Variants in UGT1A3 observed in about 807,000 individuals in gnomAD.
UGT1A3 encodes UDP glucuronosyltransferase family 1 member A3, also known as UDP-glucuronosyltransferase 1A3.
Under a neutral mutation model 41.0 loss-of-function variants are expected in UGT1A3, and 31 were observed. The ratio of observed to expected loss-of-function variants is 0.76; its 90% confidence interval spans 0.57 to 1.02. The LOEUF (loss-of-function observed/expected upper bound fraction) is 1.02. UGT1A3 is among the 50% of genes least tolerant of loss of function. The pLI, the probability that UGT1A3 is intolerant of heterozygous loss-of-function variation, is 0.00. For missense variants in UGT1A3, 737 were observed against 671.0 expected (o/e 1.10, Z -1.09); for synonymous variants, 262 against 257.6 (o/e 1.02, Z -0.17).
At chr2:233,755,374 C>G (rs1205727870) in intron 1 of UGT1A3, 3 of 355,518 alleles carry the variant, frequency 8.4e-6, no homozygotes, top group South Asian at 6.7e-5. Flanking sequence ...CCTGGAGGGC[C>G]GCCCCTTATG....
At chr2:233,761,622 G>A (rs1417511901) in intron 1 of UGT1A3, among the ~76,000 whole-genome samples, 3 of 152,238 alleles carry the variant, frequency 2.0e-5, no homozygotes, top group Non-Finnish European at 4.4e-5. Flanking sequence ...CTGATAAGAA[G>A]CTAAATCCTG....
chr2:233,730,227 G>A (rs1389808961), intron 1 of UGT1A3, among the ~76,000 whole-genome samples: 1 of 152,112 alleles, frequency 6.6e-6, no homozygotes, highest in Admixed American at 6.5e-5. Context: ...TTTGTAAAAG[G>A]ATGGACAAGG....
intron 1 of UGT1A3, among the ~76,000 whole-genome samples, chr2:233,759,591 C>A (rs984696431): frequency 4.1e-5 from 6 of 147,100 alleles, no homozygotes; most frequent in East Asian, 4.1e-4. Context: ...GCACGCCCCC[C>A]ACCCCCGACC....
chr2:233,765,894 C>T (rs527736361), intron 1 of UGT1A3, among the ~76,000 whole-genome samples: 4 of 152,178 alleles, frequency 2.6e-5, no homozygotes, highest in African/African-American at 9.6e-5. Context: ...CAGTGCGCCA[C>T]TGCTCAAACC....
chr2:233,738,287 A>T, intron 1 of UGT1A3, among the ~76,000 whole-genome samples: 1 of 152,330 alleles, frequency 6.6e-6, no homozygotes, highest in South Asian at 2.1e-4. Flanking sequence ...TAAATTACCC[A>T]GTCTTGGGTA....
chr2:233,755,009 G>C (rs1198421851), intron 1 of UGT1A3: 1 of 1,292,254 alleles, frequency 7.7e-7, no homozygotes, highest in African/African-American at 1.5e-5. Context: ...AGACCTACTC[G>C]AAGGGGTCCT....
chr2:233,743,846 C>T lies in UGT1A3; in HGVS notation c.867+13853C>T, dbSNP rs779214397. On this transcript the variant is annotated intron_variant, in intron 1 of 4. Transcript: ENST00000482026. ...GGGGTGCCACTTGAGCGCCAGCTTG[C>T]GGTACGCCTTCTTGATGGCCTCGGA... 13 of 1,367,112 alleles carry T rather than the reference C, an allele frequency of 9.5e-6. No individual in the cohort carries two copies. The Admixed American group carries it at 1.1e-4, about 12-fold the overall frequency. The allele number at this position is 1,367,112 out of a possible 1,614,324, so 84.7% of individuals were successfully genotyped here.
In UGT1A3 at chr2:233,760,224, G is replaced by C. The variant is rs873478; in HGVS notation, c.868-6810G>C. 2,101 of 1,586,308 alleles carry C rather than the reference G, an allele frequency of 1.3e-3. 36 individuals are homozygous for C. The East Asian group carries it at 0.037, about 28-fold the overall frequency. ...CAAACATTAACTTGGTGTATCGATT[G>C]GTTTTTGCCATATATATATATATAA... is the stretch of plus-strand genomic sequence containing the variant. On this transcript the variant is annotated intron_variant, in intron 1 of 4. Coordinates refer to ENST00000482026, the MANE Select transcript of UGT1A3 (RefSeq NM_019093.4).
chr2:233,732,491 G>C (rs2078277283), intron 1 of UGT1A3, among the ~76,000 whole-genome samples: 1 of 152,184 alleles, frequency 6.6e-6, no homozygotes, highest in African/African-American at 2.4e-5. Flanking sequence ...TTTGTATAAG[G>C]CGTAAGGAAG....
At chr2:233,743,706 C>G in intron 1 of UGT1A3, 1 of 1,367,368 alleles carries the variant, frequency 7.3e-7, no homozygotes, top group Non-Finnish European at 9.8e-7. Context: ...TCCGCCCCCG[C>G]CTCGCCATAG....
At chr2:233,731,616 A>C (rs1404847931) in intron 1 of UGT1A3, among the ~76,000 whole-genome samples, 2 of 152,182 alleles carry the variant, frequency 1.3e-5, no homozygotes, top group Non-Finnish European at 2.9e-5. Flanking sequence ...ACATGAACTC[A>C]TCCTTTTTTA....
chr2:233,756,397 G>GTT (rs1005447677), intron 1 of UGT1A3: 1 of 151,856 alleles, frequency 6.6e-6, no homozygotes, highest in African/African-American at 2.4e-5. Flanking sequence ...TACAGTATTG[G>GTT]TTTTTTATTT....
At chr2:233,735,180 T>C (rs1028765761) in intron 1 of UGT1A3, among the ~76,000 whole-genome samples, 1 of 148,186 alleles carries the variant, frequency 6.7e-6, no homozygotes, top group Non-Finnish European at 1.5e-5. Flanking sequence ...AGAACTTGCT[T>C]TATGAATCTA....
rs1422207500 is a variant in UGT1A3 at position 233,757,556 on chromosome 2, ATATATG to A, written c.868-9472_868-9467del. ...AAGGAATATATATATATATATATATATATATGTATATATGATATAGCTATAGTCTAA... is the reference window on the plus strand; with the variant it reads ...AAGGAATATATATATATATATATATATATATATGATATAGCTATAGTCTAA... On this transcript the variant is annotated intron_variant, in intron 1 of 4. Coordinates refer to ENST00000482026, the MANE Select transcript of UGT1A3 (RefSeq NM_019093.4). Among the ~76,000 whole-genome samples, 673 of 125,374 alleles carry A rather than the reference ATATATG, an allele frequency of 5.4e-3. 74 individuals carry two copies. The highest frequency in any genetic ancestry group is 0.02 in the African/African-American group (631 of 31,024). The allele number at this position is 125,374 out of a possible 152,430, so 82.3% of individuals were successfully genotyped here.
At position 233,729,964 on chromosome 2, in the gene UGT1A3, A is replaced by G; in HGVS notation, c.838A>G (p.Asn280Asp). The G allele has an allele frequency of 6.2e-7, 1 of 1,614,074 alleles. No homozygotes were observed. The highest frequency in any genetic ancestry group is 2.2e-5 in the East Asian group (1 of 44,892). ...CAACATGGTCTTCATTGGGGGCATC[A>G]ACTGTGCCAACAGGAAGCCACTATC... ...MPNMVFIGGI[N>D]CANRKPLSQE... The change falls in exon 1 of 5, where the codon AAC (asparagine) becomes GAC (aspartate). Residue 280 changes from asparagine (N) to aspartate (D), a missense_variant. Coordinates refer to ENST00000482026, the MANE Select transcript of UGT1A3 (RefSeq NM_019093.4).
chr2:233,766,518 A>G (rs542510910), intron 1 of UGT1A3, among the ~76,000 whole-genome samples: 1 of 152,214 alleles, frequency 6.6e-6, no homozygotes, highest in East Asian at 1.9e-4. Context: ...GGGAAATGAA[A>G]CATTTAGGCA....
Position 233,747,423 on chromosome 2 carries a change from C to G in UGT1A3, c.867+17430C>G, listed in dbSNP as rs561242685. On this transcript the variant is annotated intron_variant, in intron 1 of 4. Transcript: ENST00000482026. ...CCCAGAGGTGAATATGCACATCAAACAAGAGAAATTTTTCACCCTGACAAC... is the reference window on the plus strand; with the variant it reads ...CCCAGAGGTGAATATGCACATCAAAGAAGAGAAATTTTTCACCCTGACAAC... 6.8e-5 allele frequency: 110 copies of G among 1,608,258 alleles called. 1 individual carries two copies. The highest frequency in any genetic ancestry group is 8.9e-5 in the East Asian group (4 of 44,854).
Position 233,769,751 on chromosome 2 carries a change from AG to A in UGT1A3, c.1307+1314del. 1 of 1,422,830 alleles carries A rather than the reference AG, an allele frequency of 7.0e-7. No homozygotes were observed. Among genetic ancestry groups the A allele is most frequent in the South Asian group, 1.5e-5 (1 of 65,502 alleles). 88.1% of individuals were successfully genotyped at this position (1,422,830 alleles called of 1,614,324 possible). On this transcript the variant is annotated intron_variant, in intron 4 of 4. Coordinates refer to ENST00000482026, the MANE Select transcript of UGT1A3 (RefSeq NM_019093.4). This position sits in a 1 kb window ranked among gnomAD's most constrained non-coding sequence, Gnocchi z 4.4. ...ACGCCTGTAGTCCCAGCCACTCTGGAGGCTAAGGCGGGAGGATTGCTTGAGC... is the reference window on the plus strand; with the variant it reads ...ACGCCTGTAGTCCCAGCCACTCTGGAGCTAAGGCGGGAGGATTGCTTGAGC...
rs1699597581 is a variant in UGT1A3 at position 233,768,288 on chromosome 2, G to A, written c.1156G>A (p.Gly386Ser). 4 of 1,614,072 alleles carry A rather than the reference G, an allele frequency of 2.5e-6. No individual in the cohort carries two copies. Among genetic ancestry groups the A allele is most frequent in the Non-Finnish European group, 3.4e-6 (4 of 1,180,052 alleles). ...TGGTGTTTATGAAAGCATATGCAATGGCGTTCCCATGGTGATGATGCCCTT... is the reference window on the plus strand; with the variant it reads ...TGGTGTTTATGAAAGCATATGCAATAGCGTTCCCATGGTGATGATGCCCTT... ...SHGVYESICN[G>S]VPMVMMPLFG... The change falls in exon 4 of 5, where the codon GGC (glycine) becomes AGC (serine). Residue 386 changes from glycine to serine, a missense_variant. Physicochemically the swap from Gly to Ser is moderately conservative, Grantham distance 56. Transcript: ENST00000482026.
Sources: allele counts gnomAD v4.1 joint callset (sites outside exome capture counted in the v4.1 genomes callset), GRCh38; gene constraint gnomAD v4.1.1; non-coding constraint Gnocchi (gnomAD v3.1); transcripts MANE v1.5; gene names NCBI Gene and HGNC (gene_info 2026-07-23, HGNC 2026-07-21).